MCPH1: variants seen among roughly 807,000 people sequenced by gnomAD.
MCPH1 encodes the protein microcephalin.
A neutral mutation model predicts 84.5 loss-of-function variants in MCPH1; 104 were observed. That is an observed-to-expected ratio of 1.23 (90% confidence interval 1.05 to 1.45). The LOEUF (loss-of-function observed/expected upper bound fraction) is 1.45, where lower values mean the gene tolerates loss of function less well. MCPH1 is among the 40% of genes most tolerant of loss of function. The pLI is 0.00. For missense variants in MCPH1, 1,498 were observed against 1,005.7 expected, an observed-to-expected ratio of 1.49 and a Z score of -6.62; for synonymous variants, 514 against 366.8, an observed-to-expected ratio of 1.40 and a Z score of -4.58.
At chr8:6,418,966 C>T (rs768381090) in intron 3 of MCPH1, among the ~76,000 whole-genome samples, 7 of 152,044 alleles carry the variant, frequency 4.6e-5, no homozygotes, top group Non-Finnish European at 1.0e-4. Context: ...TCAACAGATT[C>T]AGGTCTATAT....
At chr8:6,543,337 G>C (rs983034437) in intron 12 of MCPH1, among the ~76,000 whole-genome samples, 1 of 152,170 alleles carries the variant, frequency 6.6e-6, no homozygotes, top group Admixed American at 6.5e-5. Context: ...CTCAGTATGG[G>C]TGATGGCTCT....
chr8:6,608,994 C>T (rs1354065841), intron 12 of MCPH1, among the ~76,000 whole-genome samples: 9 of 152,170 alleles, frequency 5.9e-5, no homozygotes, highest in Non-Finnish European at 1.3e-4. Flanking sequence ...TGAAGACCCA[C>T]AGAATACTGC....
At chr8:6,569,391 T>A (rs919938584) in intron 12 of MCPH1, among the ~76,000 whole-genome samples, 1 of 152,220 alleles carries the variant, frequency 6.6e-6, no homozygotes, top group Non-Finnish European at 1.5e-5. Flanking sequence ...TGCAAAAGTG[T>A]TGCTGCATCA....
rs548581127 is a variant in MCPH1 at position 6,421,436 on chromosome 8, A to G, written c.233+6553A>G. 6.6e-5 allele frequency among the ~76,000 whole-genome samples: 10 copies of G among 152,086 alleles called. No homozygotes were observed. In the South Asian group the frequency reaches 1.2e-3, roughly 19 times the overall value. ...TTATCCTTCTGACAAAATGGCTTAGAGTTCAGTGGTCTATAGCAGAGAATG... is the reference window on the plus strand; with the variant it reads ...TTATCCTTCTGACAAAATGGCTTAGGGTTCAGTGGTCTATAGCAGAGAATG... On this transcript the variant is annotated intron_variant, in intron 3 of 13. Coordinates refer to ENST00000344683, the MANE Select transcript of MCPH1 (RefSeq NM_024596.5).
chr8:6,446,689 G>A (rs1804428860), intron 8 of MCPH1: 1 of 984,996 alleles, frequency 1.0e-6, no homozygotes, highest in Non-Finnish European at 1.2e-6. Context: ...ATCCTGTTCT[G>A]AGGTTTACAT....
At chr8:6,572,122 T>C (rs1294279774) in intron 12 of MCPH1, among the ~76,000 whole-genome samples, 1 of 151,966 alleles carries the variant, frequency 6.6e-6, no homozygotes, top group Non-Finnish European at 1.5e-5. Context: ...AAGTAAATTG[T>C]ACAAAGACTG....
intron 8 of MCPH1, chr8:6,447,418 CACTTTT>C (rs980959394): frequency 2.8e-5 from 28 of 985,264 alleles, no homozygotes; most frequent in Non-Finnish European, 3.0e-5. Context: ...GTTTTCAGTT[CACTTTT>C]ACTTGTTGCT....
At chr8:6,501,936 T>C (rs1397354989) in intron 12 of MCPH1, 1 of 152,036 alleles carries the variant, frequency 6.6e-6, no homozygotes, top group Non-Finnish European at 1.5e-5. Flanking sequence ...ACCCTTTTTT[T>C]TTTTTCAGTT....
chr8:6,593,245 G>T (rs532909297), intron 12 of MCPH1, among the ~76,000 whole-genome samples: 1 of 151,012 alleles, frequency 6.6e-6, no homozygotes, highest in Non-Finnish European at 1.5e-5. Flanking sequence ...TACCATGCCC[G>T]GCTAATTTTG....
rs532867250 is a variant in MCPH1, at chr8:6,454,954, T to C, written c.1826-189T>C. 2.5e-4 allele frequency among the ~76,000 whole-genome samples: 38 copies of C among 152,310 alleles called. 1 individual carries two copies. The highest frequency in any genetic ancestry group is 3.4e-3 in the Middle Eastern group (1 of 294). On this transcript the variant is annotated intron_variant, in intron 8 of 13. Transcript: ENST00000344683. ...GTTACCGACCATTGAATTAAGTGAA[T>C]TGCTTGGGATATTGGAATGTAATAA... is the stretch of plus-strand genomic sequence containing the variant.
chr8:6,587,641 T>C (rs955287061), intron 12 of MCPH1, among the ~76,000 whole-genome samples: 4 of 152,232 alleles, frequency 2.6e-5, no homozygotes. Context: ...TCTTGGGGCC[T>C]GGATGGCTTA....
intron 12 of MCPH1, chr8:6,562,846 C>T: frequency 6.2e-7 from 1 of 1,613,834 alleles, no homozygotes; most frequent in Non-Finnish European, 8.5e-7. Flanking sequence ...TTGCTTCTTT[C>T]CTATGCTGTC....
At chr8:6,463,953 A>C (rs1338135969) in intron 9 of MCPH1, among the ~76,000 whole-genome samples, 1 of 152,232 alleles carries the variant, frequency 6.6e-6, no homozygotes, top group African/African-American at 2.4e-5. Flanking sequence ...TTGAAAGAGC[A>C]GTGACTCATC....
intron 12 of MCPH1, among the ~76,000 whole-genome samples, chr8:6,598,857 C>G (rs1449268145): frequency 6.6e-6 from 1 of 152,242 alleles, no homozygotes; most frequent in Admixed American, 6.5e-5. Context: ...CCGCCCGATG[C>G]ATTGCAGAAT....
chr8:6,536,435 C>T (rs1820517816), intron 12 of MCPH1, among the ~76,000 whole-genome samples: 1 of 152,086 alleles, frequency 6.6e-6, no homozygotes, highest in African/African-American at 2.4e-5. Context: ...TCAAAATTGG[C>T]TTGAGTATGC....
chr8:6,620,094 C>G (rs1201170229), intron 12 of MCPH1: 1 of 152,162 alleles, frequency 6.6e-6, no homozygotes, highest in Non-Finnish European at 1.5e-5. Context: ...GTAGCCCTTT[C>G]CACTGCCTAT....
At chr8:6,543,669 C>A (rs915088453) in intron 12 of MCPH1, among the ~76,000 whole-genome samples, 5 of 152,122 alleles carry the variant, frequency 3.3e-5, no homozygotes, top group Admixed American at 3.3e-4. Context: ...ATTTCATAAC[C>A]GCTGAAGTTC....
At chr8:6,466,874 C>A in intron 9 of MCPH1, among the ~76,000 whole-genome samples, 1 of 152,192 alleles carries the variant, frequency 6.6e-6, no homozygotes, top group Non-Finnish European at 1.5e-5. Flanking sequence ...ACGCGCCCTG[C>A]CCTCAATTAT....
chr8:6,440,631 A>G (rs1166348869), intron 6 of MCPH1, among the ~76,000 whole-genome samples: 1 of 152,220 alleles, frequency 6.6e-6, no homozygotes, highest in African/African-American at 2.4e-5. Context: ...ACTGAATGGC[A>G]TTAGCCTGTA....
Sources: gnomAD v4.1 joint callset for allele counts (sites outside exome capture counted in the v4.1 genomes callset) on GRCh38, gnomAD v4.1.1 for gene constraint, MANE v1.5 for transcripts, NCBI Gene and HGNC (gene_info 2026-07-23, HGNC 2026-07-21) for gene names.